Variants in TTC28 observed in about 807,000 individuals in gnomAD.
TTC28 encodes the protein tetratricopeptide repeat protein 28.
In TTC28, 61 loss-of-function variants were observed where a neutral mutation model predicts 198.0. The ratio of observed to expected loss-of-function variants is 0.31; its 90% CI spans 0.25 to 0.38. The LOEUF (loss-of-function observed/expected upper bound fraction) is 0.38, where lower values mean the gene tolerates loss of function less well. Among genes scored for constraint, TTC28 ranks in the 10% least tolerant of loss-of-function variants. TTC28 has a pLI of 1.00. For synonymous variants in TTC28, 1,171 were observed against 1,297.8 expected (o/e 0.90, Z 2.10); for missense variants, 2,678 against 3,164.0 (o/e 0.85, Z 3.69).
intron 5 of TTC28, among the ~76,000 whole-genome samples, chr22:28,167,243 T>TATAG (rs1555928129): frequency 3.9e-5 from 6 of 152,142 alleles, no homozygotes; most frequent in African/African-American, 1.4e-4. Context: ...CTACCAGAGG[T>TATAG]ATAAGGAGGA....
intron 5 of TTC28, among the ~76,000 whole-genome samples, chr22:28,278,750 A>G (rs1247748589): frequency 6.6e-6 from 1 of 152,270 alleles, no homozygotes; most frequent in African/African-American, 2.4e-5. Flanking sequence ...AAAGACAATG[A>G]GTCTGCCACC....
chr22:28,114,254 A>G (rs1357452615), intron 6 of TTC28, among the ~76,000 whole-genome samples: 2 of 152,222 alleles, frequency 1.3e-5, no homozygotes, highest in African/African-American at 2.4e-5. Flanking sequence ...CCTCATTGGG[A>G]GAAGTGGTCC....
At chr22:28,498,357 A>C (rs919522481) in intron 2 of TTC28, among the ~76,000 whole-genome samples, 1 of 152,224 alleles carries the variant, frequency 6.6e-6, no homozygotes, top group Non-Finnish European at 1.5e-5. Context: ...CACAGGTGAC[A>C]AAGTAGAAAA....
At chr22:28,371,598 A>ATTTTATTTTTTTT (rs2046337169) in intron 2 of TTC28, among the ~76,000 whole-genome samples, 1 of 27,764 alleles carries the variant, frequency 3.6e-5, no homozygotes, top group Non-Finnish European at 5.8e-5. Context: ...AAAAAAAAAA[A>ATTTTATTTTTTTT]TTTTTTTTTT....
intron 6 of TTC28, among the ~76,000 whole-genome samples, chr22:28,150,192 G>T (rs1408616169): frequency 6.6e-6 from 1 of 152,092 alleles, no homozygotes; most frequent in East Asian, 1.9e-4. Flanking sequence ...ATAAAGTTGA[G>T]GACAGCTATG....
At chr22:28,554,412 G>A (rs1409316606) in intron 2 of TTC28, among the ~76,000 whole-genome samples, 2 of 148,096 alleles carry the variant, frequency 1.4e-5, no homozygotes, top group African/African-American at 2.5e-5. Flanking sequence ...TTAAATCTAA[G>A]ATCTGAAACC....
intron 12 of TTC28, among the ~76,000 whole-genome samples, chr22:28,051,728 C>T (rs1208520673): frequency 6.6e-6 from 1 of 152,162 alleles, no homozygotes; most frequent in African/African-American, 2.4e-5. Flanking sequence ...GGGAAACGTC[C>T]CCTGCATTCT....
chr22:28,639,498 C>A (rs966729294), intron 1 of TTC28, among the ~76,000 whole-genome samples: 4 of 152,170 alleles, frequency 2.6e-5, no homozygotes, highest in Admixed American at 6.5e-5. Context: ...TGTGTCCCCA[C>A]CCAAGTCTCA....
At chr22:28,367,417 A>G (rs115524916) in intron 2 of TTC28, among the ~76,000 whole-genome samples, 1 of 152,068 alleles carries the variant, frequency 6.6e-6, no homozygotes, top group Non-Finnish European at 1.5e-5. Context: ...ACATATCAAA[A>G]CTTACGGGAT....
intron 6 of TTC28, among the ~76,000 whole-genome samples, chr22:28,157,290 T>C (rs1356694072): frequency 1.3e-5 from 2 of 152,028 alleles, no homozygotes; most frequent in Non-Finnish European, 2.9e-5. Flanking sequence ...CAACAAGCAA[T>C]GAGATTAAAG....
intron 5 of TTC28, among the ~76,000 whole-genome samples, chr22:28,279,792 T>C (rs2044548973): frequency 6.6e-6 from 1 of 152,238 alleles, no homozygotes; most frequent in Non-Finnish European, 1.5e-5. Context: ...TGTCCTCACC[T>C]CCGCTCCCAA....
In TTC28 at chr22:28,203,862, C is replaced by T. The variant is rs923852338; in HGVS notation, c.934-40263G>A. Among the ~76,000 whole-genome samples the T allele has an allele frequency of 2.6e-5, 4 of 152,254 alleles. No individual in the cohort carries two copies. In the East Asian group the frequency reaches 7.7e-4, roughly 29 times the overall value. On this transcript the variant is annotated intron_variant, in intron 5 of 22. Transcript: ENST00000397906. ...CTGTTTATGTTATCTCTGCCTCACT[C>T]ATCACAAGGAGACTGATGTTGTGCC...
chr22:28,428,997 A>T (rs556241623), intron 2 of TTC28, among the ~76,000 whole-genome samples: 1 of 152,224 alleles, frequency 6.6e-6, no homozygotes, highest in Non-Finnish European at 1.5e-5. Context: ...TAAACATTTA[A>T]AAGAGTAAAC....
In TTC28 at chr22:28,105,353, A is replaced by ACCGTCTTGGCCG; in HGVS notation, c.3221_3232dup (p.Ala1074_Thr1077dup). 1 of 1,551,676 alleles carries ACCGTCTTGGCCG rather than the reference A, an allele frequency of 6.4e-7. No homozygotes were observed. Among genetic ancestry groups the ACCGTCTTGGCCG allele is most frequent in the Non-Finnish European group, 8.7e-7 (1 of 1,146,988 alleles). On this transcript the variant is annotated inframe_insertion, in exon 8 of 23. Transcript: ENST00000397906. ...GGTCCTTCCAAGGCTACTATATGAC[A>ACCGTCTTGGCCG]CCGTCTTGGCCGCCAAGTCATTCAT...
intron 2 of TTC28, among the ~76,000 whole-genome samples, chr22:28,503,194 C>T (rs1044149969): frequency 6.6e-6 from 1 of 152,136 alleles, no homozygotes; most frequent in Admixed American, 6.5e-5. Flanking sequence ...TGGAACACTC[C>T]CTACATCCTC....
chr22:28,032,154 T>G (rs562595015), intron 12 of TTC28, among the ~76,000 whole-genome samples: 2 of 139,016 alleles, frequency 1.4e-5, no homozygotes, highest in African/African-American at 5.4e-5. Flanking sequence ...CCTATTTATA[T>G]CTACTTAGTG....
intron 2 of TTC28, among the ~76,000 whole-genome samples, chr22:28,319,779 G>A (rs1255020342): frequency 6.6e-6 from 1 of 152,130 alleles, no homozygotes; most frequent in African/African-American, 2.4e-5. Flanking sequence ...ATAATTTGAA[G>A]GGAAAAGAAA....
intron 2 of TTC28, among the ~76,000 whole-genome samples, chr22:28,509,634 A>G (rs1206418171): frequency 6.6e-6 from 1 of 152,224 alleles, no homozygotes; most frequent in Non-Finnish European, 1.5e-5. Context: ...TAGAGAACCA[A>G]GAGCAAACAA....
chr22:28,032,190 A>AATGTATATAT (rs2146638317), intron 12 of TTC28, among the ~76,000 whole-genome samples: 1 of 72,998 alleles, frequency 1.4e-5, no homozygotes, highest in East Asian at 7.8e-4. Context: ...ATATATATAA[A>AATGTATATAT]ATATATATAT....
Sources: allele counts gnomAD v4.1 joint callset (sites outside exome capture counted in the v4.1 genomes callset), GRCh38; gene constraint gnomAD v4.1.1; transcripts MANE v1.5; gene names NCBI Gene and HGNC (gene_info 2026-07-23, HGNC 2026-07-21).